Variants in APCDD1 observed in about 807,000 individuals in gnomAD.
APCDD1 encodes protein APCDD1.
APCDD1 carries 15 observed loss-of-function variants against 38.1 expected under a neutral mutation model. The ratio of observed to expected loss-of-function variants is 0.39; its 90% CI spans 0.26 to 0.61. The LOEUF is 0.61. Ranked by LOEUF, APCDD1 falls within the 20% of genes least tolerant of loss-of-function variation. The pLI is 0.49. For synonymous variants in APCDD1, 261 were observed against 279.7 expected, an observed-to-expected ratio of 0.93 and a Z score of 0.67; for missense variants, 647 against 696.2, an observed-to-expected ratio of 0.93 and a Z score of 0.79.
At chr18:10,459,143 C>T (rs1201371317) in intron 1 of APCDD1, among the ~76,000 whole-genome samples, 1 of 152,210 alleles carries the variant, frequency 6.6e-6, no homozygotes, top group East Asian at 1.9e-4. Flanking sequence ...TGCCAAGTGC[C>T]ACCACTTGCC....
intron 1 of APCDD1, among the ~76,000 whole-genome samples, chr18:10,463,519 A>G (rs2030624338): frequency 6.6e-6 from 1 of 152,194 alleles, no homozygotes; most frequent in Non-Finnish European, 1.5e-5. Flanking sequence ...TTGAGAAGGA[A>G]GCTTTGGGGT....
chr18:10,468,530 G>A lies in APCDD1; in HGVS notation c.120G>A (p.Glu40=), dbSNP rs149564774. The A allele has an allele frequency of 2.5e-6, 4 of 1,614,182 alleles. No individual in the cohort carries two copies. The highest frequency in any genetic ancestry group is 3.4e-6 in the Non-Finnish European group (4 of 1,180,040). ...PDSRSHPRSL[E]KSAWRAFKES... is the part of the protein sequence containing the mutation. ...GCAGGTCTCATCCTAGGTCCTTAGA[G>A]AAAAGTGCCTGGAGGGCTTTTAAGG... Residue 40 remains glutamate (E), a synonymous_variant, in exon 2 of 5, where the codon GAG becomes GAA. Transcript: ENST00000355285.
intron 1 of APCDD1, among the ~76,000 whole-genome samples, chr18:10,459,670 T>A (rs947648972): frequency 6.6e-6 from 1 of 152,180 alleles, no homozygotes; most frequent in African/African-American, 2.4e-5. Context: ...TTCAGTACAG[T>A]CTGCAATACA....
Position 10,470,675 on chromosome 18 carries a change from G to A in APCDD1, c.243-855G>A, listed in dbSNP as rs2030829320. Among the ~76,000 whole-genome samples, 2 of 152,234 alleles carry A rather than the reference G, an allele frequency of 1.3e-5. No individual in the cohort carries two copies. Among genetic ancestry groups the A allele is most frequent in the Admixed American group, 1.3e-4 (2 of 15,288 alleles). On this transcript the variant is annotated intron_variant, in intron 2 of 4. Transcript: ENST00000355285. The surrounding 1 kb of genome is among the most constrained non-coding windows in gnomAD (Gnocchi z 4.1). ...AGACTAGGAGCTAACAAAAGGCTAA[G>A]GCCAGGTCATTTGGCCAGGGCTTTA...
Position 10,471,440 on chromosome 18 carries a change from A to C in APCDD1, c.243-90A>C. The C allele has an allele frequency of 6.5e-7, 1 of 1,542,650 alleles. No individual in the cohort carries two copies. Among genetic ancestry groups the C allele is most frequent in the South Asian group, 1.1e-5 (1 of 87,960 alleles). On this transcript the variant is annotated intron_variant, in intron 2 of 4. Transcript: ENST00000355285. The surrounding 1 kb of genome is among the most constrained non-coding windows in gnomAD (Gnocchi z 5.5). ...TCTGGCCCATCGTCAGCACTTTATT[A>C]TTATTTCTGTAATTTCTTAATACTA... is the stretch of plus-strand genomic sequence containing the variant.
rs575320339 is a variant in APCDD1 at position 10,467,772 on chromosome 18, T to C, written c.59-697T>C. On this transcript the variant is annotated intron_variant, in intron 1 of 4. Coordinates refer to ENST00000355285, the MANE Select transcript of APCDD1 (RefSeq NM_153000.5). The surrounding 1 kb of genome is among the most constrained non-coding windows in gnomAD (Gnocchi z 4.8). ...GGGGAAATGTCACACCACGTCCCTATTGTAGGAGGGTGCAAGGTTCACACC... is the reference window on the plus strand; with the variant it reads ...GGGGAAATGTCACACCACGTCCCTACTGTAGGAGGGTGCAAGGTTCACACC... Among the ~76,000 whole-genome samples the C allele has an allele frequency of 1.3e-5, 2 of 152,246 alleles. No individual in the cohort carries two copies. Among genetic ancestry groups the C allele is most frequent in the Non-Finnish European group, 2.9e-5 (2 of 68,012 alleles).
intron 1 of APCDD1, among the ~76,000 whole-genome samples, chr18:10,462,383 CTTCCTTCCTTCCTTCCTGTCTTCT>C (rs1168302532): frequency 1.3e-5 from 2 of 151,052 alleles, no homozygotes; most frequent in African/African-American, 4.9e-5. Flanking sequence ...AAATTACTTG[CTTCCTTCCTTCCTTCCTGTCTTCT>C]TTCCTTCCTT....
In APCDD1 at chr18:10,482,298, A is replaced by G. The variant is rs144047936; in HGVS notation, c.775-3164A>G. On this transcript the variant is annotated intron_variant, in intron 3 of 4. Coordinates refer to ENST00000355285, the MANE Select transcript of APCDD1 (RefSeq NM_153000.5). ...TGATGTTTTTAAATTCCCAAATTAC[A>G]GATGGCAAACCAAGTTGTGGGGAAT... is the stretch of plus-strand genomic sequence containing the variant. Among the ~76,000 whole-genome samples, 520 of 152,318 alleles carry G rather than the reference A, an allele frequency of 3.4e-3. 4 individuals carry two copies. The highest frequency in any genetic ancestry group is 9.8e-3 in the African/African-American group (409 of 41,576).
chr18:10,460,507 TG>T (rs1277808765), intron 1 of APCDD1, among the ~76,000 whole-genome samples: 2 of 145,462 alleles, frequency 1.4e-5, no homozygotes, highest in Non-Finnish European at 3.0e-5. Context: ...CCCTCCAGTC[TG>T]GGTGACAGAG....
rs141889959 is a variant in APCDD1, at chr18:10,465,707, T to C, written c.59-2762T>C. Reference sequence around the variant, plus strand: ...ATGCAAGAGAAATTGCCAGATGTCTTTGACTAGATACAGAAATGTCAGTGC... The same window carrying C: ...ATGCAAGAGAAATTGCCAGATGTCTCTGACTAGATACAGAAATGTCAGTGC... On this transcript the variant is annotated intron_variant, in intron 1 of 4. Transcript: ENST00000355285. Among the ~76,000 whole-genome samples, 242 of 152,330 alleles carry C rather than the reference T, an allele frequency of 1.6e-3. 1 individual carries two copies. Among genetic ancestry groups the C allele is most frequent in the African/African-American group, 5.6e-3 (232 of 41,580 alleles).
intron 3 of APCDD1, among the ~76,000 whole-genome samples, chr18:10,484,228 ACAGAGGG>A (rs755343478): frequency 3.3e-5 from 5 of 152,242 alleles, no homozygotes; most frequent in Non-Finnish European, 7.3e-5. Context: ...GCAGACCGGG[ACAGAGGG>A]CAGTGTGCGC....
chr18:10,469,198 C>T lies in APCDD1; in HGVS notation c.242+546C>T, dbSNP rs777432818. 1.6e-4 allele frequency among the ~76,000 whole-genome samples: 24 copies of T among 152,046 alleles called. No homozygotes were observed. The highest frequency in any genetic ancestry group is 3.9e-4 in the African/African-American group (16 of 41,406). On this transcript the variant is annotated intron_variant, in intron 2 of 4. Coordinates refer to ENST00000355285, the MANE Select transcript of APCDD1 (RefSeq NM_153000.5). The surrounding 1 kb of genome is among the most constrained non-coding windows in gnomAD (Gnocchi z 5.5). ...TTCCATTAGAGCTTTTAAAAATAGCCGAGAGGCAGATCTGCGATTTTTTTT... is the reference window on the plus strand; with the variant it reads ...TTCCATTAGAGCTTTTAAAAATAGCTGAGAGGCAGATCTGCGATTTTTTTT...
intron 1 of APCDD1, among the ~76,000 whole-genome samples, chr18:10,461,038 G>C (rs1157189396): frequency 6.6e-6 from 1 of 152,094 alleles, no homozygotes; most frequent in African/African-American, 2.4e-5. Flanking sequence ...TTTAAAATGT[G>C]ATATCTTTGG....
At chr18:10,459,906 A>G (rs756359988) in intron 1 of APCDD1, among the ~76,000 whole-genome samples, 19 of 152,232 alleles carry the variant, frequency 1.2e-4, no homozygotes, top group Admixed American at 2.6e-4. Context: ...AGGGCACATT[A>G]TATAAAGTAC....
intron 3 of APCDD1, among the ~76,000 whole-genome samples, chr18:10,481,786 T>C (rs1003702425): frequency 2.6e-5 from 4 of 151,520 alleles, no homozygotes; most frequent in Admixed American, 1.3e-4. Flanking sequence ...GCCCACCTGA[T>C]GGAAAACAAG....
intron 3 of APCDD1, among the ~76,000 whole-genome samples, chr18:10,483,198 G>A (rs141485796): frequency 6.6e-6 from 1 of 152,354 alleles, no homozygotes; most frequent in African/African-American, 2.4e-5. Flanking sequence ...ACATCTTTCC[G>A]TGACGTAATT....
In APCDD1 at chr18:10,475,804, G is replaced by GGT. The variant is rs1491067025; in HGVS notation, c.774+3744_774+3745dup. 9.4e-5 allele frequency: 14 copies of GGT among 149,586 alleles called. No individual in the cohort carries two copies. 9.3% of individuals were successfully genotyped at this position (149,586 alleles called of 1,614,324 possible). A position where few individuals can be genotyped will look rare whatever the true frequency, so the allele number is the denominator to read the frequency against. ...TCGCAAGATGGCTGAGGGGGGGGGG[G>GGT]GTCAGTGGAAGGCCGAGTGGCTCTG... On this transcript the variant is annotated intron_variant, in intron 3 of 4. Transcript: ENST00000355285. This position sits in a 1 kb window ranked among gnomAD's most constrained non-coding sequence, Gnocchi z 4.0.
chr18:10,473,571 G>C (rs2030916411), intron 3 of APCDD1, among the ~76,000 whole-genome samples: 1 of 152,240 alleles, frequency 6.6e-6, no homozygotes, highest in African/African-American at 2.4e-5. Context: ...GGTTTTCCTA[G>C]AATGGGACAC....
intron 3 of APCDD1, among the ~76,000 whole-genome samples, chr18:10,483,820 TC>T (rs777886646): frequency 8.5e-5 from 13 of 152,176 alleles, no homozygotes; most frequent in Non-Finnish European, 1.5e-4. Context: ...CACAGCCTGA[TC>T]CGATCGGCAC....
Sources: gnomAD v4.1 joint callset for allele counts (sites outside exome capture counted in the v4.1 genomes callset) on GRCh38, gnomAD v4.1.1 for gene constraint, Gnocchi (gnomAD v3.1) non-coding constraint, MANE v1.5 for transcripts, NCBI Gene and HGNC (gene_info 2026-07-23, HGNC 2026-07-21) for gene names.